LIN54: variants seen among roughly 807,000 people sequenced by gnomAD.
LIN54 encodes lin-54 DREAM MuvB core complex component, also known as protein lin-54 homolog.
LIN54 carries 9 observed loss-of-function variants against 78.7 expected under a neutral mutation model. That is an observed-to-expected ratio of 0.11 (90% CI 0.07 to 0.20). The LOEUF (loss-of-function observed/expected upper bound fraction) is 0.20. Ranked by LOEUF, LIN54 falls within the 10% of genes least tolerant of loss-of-function variation. The pLI is 1.00. For missense variants in LIN54, 573 were observed against 889.9 expected (o/e 0.64, Z 4.53); for synonymous variants, 269 against 318.4 (o/e 0.84, Z 1.65).
At chr4:82,996,303 G>A (rs921210334) in intron 1 of LIN54, among the ~76,000 whole-genome samples, 6 of 152,044 alleles carry the variant, frequency 3.9e-5, no homozygotes, top group Admixed American at 1.3e-4. Context: ...GGCTAAAAGA[G>A]CTGAGAAGCT....
At chr4:82,936,503 TCTA>T (rs1722402766) in intron 9 of LIN54, 122 bp from the exon 10 acceptor site, 2 of 544,988 alleles carry the variant, frequency 3.7e-6, no homozygotes, top group Non-Finnish European at 6.6e-6. Flanking sequence ...ATCTCAGAAA[TCTA>T]CTCAGCTACC....
intron 3 of LIN54, among the ~76,000 whole-genome samples, chr4:82,974,194 A>C (rs1560762120): frequency 6.6e-6 from 1 of 151,880 alleles, no homozygotes; most frequent in African/African-American, 2.4e-5. Flanking sequence ...TGGGTGACAG[A>C]GCAAAACTCC....
chr4:82,984,092 CACA>C, intron 2 of LIN54, 66 bp downstream of exon 2: 2 of 1,062,278 alleles, frequency 1.9e-6, no homozygotes, highest in Non-Finnish European at 2.7e-6. Flanking sequence ...ACCCTATAAA[CACA>C]ACTATGAATC....
intron 4 of LIN54, among the ~76,000 whole-genome samples, chr4:82,950,847 T>C (rs1723790401): frequency 6.6e-6 from 1 of 152,216 alleles, no homozygotes; most frequent in East Asian, 1.9e-4. Flanking sequence ...AATTGCAGAC[T>C]TACCTAAAAG....
intron 4 of LIN54, among the ~76,000 whole-genome samples, chr4:82,951,098 T>C (rs1281421915): frequency 6.6e-6 from 1 of 152,170 alleles, no homozygotes; most frequent in African/African-American, 2.4e-5. Context: ...GATCCCCAAA[T>C]TGTAGGTTAT....
rs752988636 is a variant in LIN54 at position 82,935,259 on chromosome 4, CAT to C, written c.1845+720_1845+721del. Among the ~76,000 whole-genome samples the C allele has an allele frequency of 1.6e-3, 237 of 145,704 alleles. 1 individual carries two copies. Among genetic ancestry groups the C allele is most frequent in the African/African-American group, 5.4e-3 (218 of 40,000 alleles). Reference sequence around the variant, plus strand: ...CTTGGGATGCAGGCTATTTTGTATCCATATATATATATATATTTATATATTTA... The same window carrying C: ...CTTGGGATGCAGGCTATTTTGTATCCATATATATATATATTTATATATTTA... On this transcript the variant is annotated intron_variant, in intron 11 of 12. Coordinates refer to ENST00000340417, the MANE Select transcript of LIN54 (RefSeq NM_194282.4).
At chr4:82,958,814 T>C (rs1560745581) in intron 4 of LIN54, among the ~76,000 whole-genome samples, 1 of 152,116 alleles carries the variant, frequency 6.6e-6, no homozygotes, top group Non-Finnish European at 1.5e-5. Context: ...GTGATTCTCC[T>C]GCCTCAGCCT....
chr4:82,961,831 C>T (rs1277549732), intron 4 of LIN54, among the ~76,000 whole-genome samples: 1 of 151,998 alleles, frequency 6.6e-6, no homozygotes, highest in Non-Finnish European at 1.5e-5. Flanking sequence ...TGGCACATTC[C>T]TGTAGTCCCT....
chr4:82,995,637 A>T (rs903899041), intron 1 of LIN54, among the ~76,000 whole-genome samples: 1 of 151,434 alleles, frequency 6.6e-6, no homozygotes, highest in African/African-American at 2.4e-5. Context: ...CTGGGACTAC[A>T]GGTGCGTGCC....
intron 2 of LIN54, among the ~76,000 whole-genome samples, chr4:82,982,587 G>A (rs1237287387): frequency 6.6e-6 from 1 of 152,090 alleles, no homozygotes; most frequent in African/African-American, 2.4e-5. Flanking sequence ...ATAAACTTTG[G>A]TAAACCAATA....
intron 4 of LIN54, among the ~76,000 whole-genome samples, chr4:82,947,008 C>G (rs1403276846): frequency 6.6e-6 from 1 of 151,506 alleles, no homozygotes; most frequent in South Asian, 2.1e-4. Context: ...CCTGCCTCAG[C>G]CCCCCAAAGT....
intron 4 of LIN54, among the ~76,000 whole-genome samples, chr4:82,958,490 C>T (rs1396462081): frequency 6.6e-6 from 1 of 152,102 alleles, no homozygotes; most frequent in African/African-American, 2.4e-5. Flanking sequence ...TGGCAATAAC[C>T]ATCAGGGAGA....
At chr4:83,002,185 G>A (rs1283771565) in intron 1 of LIN54, among the ~76,000 whole-genome samples, 1 of 151,430 alleles carries the variant, frequency 6.6e-6, no homozygotes, top group Non-Finnish European at 1.5e-5. Context: ...ACCCTTCTAC[G>A]ATACACACAA....
chr4:82,960,451 T>C (rs79244741), intron 4 of LIN54, among the ~76,000 whole-genome samples: 1 of 152,144 alleles, frequency 6.6e-6, no homozygotes, highest in African/African-American at 2.4e-5. Context: ...TTTTTTTTTT[T>C]GAGACAAGGT....
At chr4:82,953,859 C>G (rs1290695817) in intron 4 of LIN54, among the ~76,000 whole-genome samples, 1 of 152,048 alleles carries the variant, frequency 6.6e-6, no homozygotes, top group Non-Finnish European at 1.5e-5. Context: ...AGGATTGTCT[C>G]AGCCTGGGAG....
At chr4:82,964,270 C>T (rs1437619661) in intron 4 of LIN54, among the ~76,000 whole-genome samples, 2 of 152,146 alleles carry the variant, frequency 1.3e-5, no homozygotes, top group African/African-American at 2.4e-5. Flanking sequence ...AGACTGGTCT[C>T]AAACTCCTAA....
chr4:82,958,312 G>C (rs1167595416), intron 4 of LIN54, among the ~76,000 whole-genome samples: 2 of 152,150 alleles, frequency 1.3e-5, no homozygotes, highest in East Asian at 3.8e-4. Flanking sequence ...GCTTCCTAGG[G>C]TTACAGCCAG....
At chr4:83,012,699 C>G (rs2126121872), upstream of LIN54, 2 of 152,184 alleles carry the variant, frequency 1.3e-5, no homozygotes, top group African/African-American at 4.8e-5. Flanking sequence ...AGCGGTCCAG[C>G]GCTCTCCGCC....
intron 4 of LIN54, among the ~76,000 whole-genome samples, chr4:82,947,235 A>ATATATATATTTTTTTTTT: frequency 1.8e-4 from 8 of 44,286 alleles, no homozygotes; most frequent in African/African-American, 4.0e-4. Flanking sequence ...ATATATATAT[A>ATATATATATTTTTTTTTT]TTTTTTTTTT....
Sources: gnomAD v4.1 joint callset for allele counts (sites outside exome capture counted in the v4.1 genomes callset) on GRCh38, gnomAD v4.1.1 for gene constraint, MANE v1.5 for transcripts, NCBI Gene and HGNC (gene_info 2026-07-23, HGNC 2026-07-21) for gene names.